The following CMIP variants were observed in gnomAD, a reference collection of about 807,000 sequenced individuals.
CMIP encodes the protein C-Maf-inducing protein.
A neutral mutation model predicts 97.3 loss-of-function variants in CMIP; 13 were observed. That is an observed-to-expected ratio of 0.13 (90% CI 0.09 to 0.21). CMIP has a LOEUF of 0.21. CMIP is among the 10% of genes least tolerant of loss of function. The pLI, the probability that CMIP is intolerant of heterozygous loss-of-function variation, is 1.00. For missense variants in CMIP, 847 were observed against 1,024.9 expected (o/e 0.83, Z 2.37); for synonymous variants, 538 against 436.3 (o/e 1.23, Z -2.91).
chr16:81,476,332 T>G, intron 1 of CMIP: 1 of 1,453,458 alleles, frequency 6.9e-7, no homozygotes. Context: ...GTCACCACCC[T>G]GATACATAAA....
chr16:81,608,622 C>G (rs571929012), intron 2 of CMIP, among the ~76,000 whole-genome samples: 5 of 152,104 alleles, frequency 3.3e-5, no homozygotes, highest in African/African-American at 1.2e-4. Context: ...GCCCAGGTCT[C>G]GGATTGGTAG....
chr16:81,610,018 G>A (rs911057535), intron 2 of CMIP, among the ~76,000 whole-genome samples: 1 of 152,198 alleles, frequency 6.6e-6, no homozygotes, highest in African/African-American at 2.4e-5. Context: ...TGACAGAGAG[G>A]CAGGAGGGAG....
At chr16:81,517,456 C>G (rs899791892) in intron 1 of CMIP, among the ~76,000 whole-genome samples, 2 of 152,190 alleles carry the variant, frequency 1.3e-5, no homozygotes, top group Non-Finnish European at 2.9e-5. Context: ...AAATGCATAA[C>G]ACAAAGGTAT....
chr16:81,573,998 C>T (rs1404702391), intron 1 of CMIP, among the ~76,000 whole-genome samples: 1 of 152,112 alleles, frequency 6.6e-6, no homozygotes, highest in Non-Finnish European at 1.5e-5. Flanking sequence ...CCCCTGGAGC[C>T]TTTACCTGGA....
rs867154163 is a variant in CMIP at position 81,544,512 on chromosome 16, G to A, written c.301-63055G>A. Among the ~76,000 whole-genome samples the A allele has an allele frequency of 2.6e-5, 4 of 151,052 alleles. No individual in the cohort carries two copies. In the Middle Eastern group the frequency reaches 0.01, roughly 385 times the overall value. On this transcript the variant is annotated intron_variant, in intron 1 of 20. Coordinates refer to ENST00000537098, the MANE Select transcript of CMIP (RefSeq NM_198390.3). ...CAAACAGCCTGCCGCTGACCTTCCCGGCCTCTGTGTGGCTCTCAGGCCACC... is the reference window on the plus strand; with the variant it reads ...CAAACAGCCTGCCGCTGACCTTCCCAGCCTCTGTGTGGCTCTCAGGCCACC...
At chr16:81,651,738 T>G (rs1045736876) in intron 3 of CMIP, among the ~76,000 whole-genome samples, 1 of 152,154 alleles carries the variant, frequency 6.6e-6, no homozygotes, top group Admixed American at 6.5e-5. Context: ...CCTTTTCTTT[T>G]TGAAGTCATT....
intron 10 of CMIP, among the ~76,000 whole-genome samples, chr16:81,679,485 CTG>C (rs1303244041): frequency 6.6e-6 from 1 of 152,026 alleles, no homozygotes; most frequent in African/African-American, 2.4e-5. Context: ...GTGTGAGTAT[CTG>C]TGCATATGCA....
chr16:81,691,881 G>A (rs756943088), intron 11 of CMIP, 41 bp downstream of exon 11: 1 of 1,549,616 alleles, frequency 6.5e-7, no homozygotes. Flanking sequence ...CCACCTGTGA[G>A]ACAAACCTCA....
At chr16:81,607,849 GTCT>G (rs1412877202) in intron 2 of CMIP, among the ~76,000 whole-genome samples, 157 bp downstream of exon 2, 1 of 152,218 alleles carries the variant, frequency 6.6e-6, no homozygotes, top group African/African-American at 2.4e-5. Flanking sequence ...TGTAAACCAG[GTCT>G]GACTGGAGAA....
rs918148645 is a variant in CMIP, at chr16:81,689,480, C to G, written c.1389-2295C>G. 1.1e-4 allele frequency among the ~76,000 whole-genome samples: 17 copies of G among 152,298 alleles called. No homozygotes were observed. In the Middle Eastern group the frequency reaches 0.01, roughly 91 times the overall value. ...TCTTTTGAGAAGTGTCTGTTCATAT[C>G]CTTCGCCCACTTTTTGATGGGGTTG... On this transcript the variant is annotated intron_variant, in intron 10 of 20. Transcript: ENST00000537098.
Position 81,606,534 on chromosome 16 carries a change from G to A in CMIP, c.301-1033G>A, listed in dbSNP as rs541337688. Among the ~76,000 whole-genome samples the A allele has an allele frequency of 2.0e-5, 3 of 152,242 alleles. No homozygotes were observed. In the East Asian group the frequency reaches 5.8e-4, roughly 29 times the overall value. ...AGACTCACTCAGAGAGTGGTGGGTG[G>A]CTGTGGATTTATCTTGCCCCGCCCC... On this transcript the variant is annotated intron_variant, in intron 1 of 20. Transcript: ENST00000537098.
rs553397037 is a variant in CMIP, at chr16:81,549,707, A to G, written c.301-57860A>G. The stretch of plus-strand genomic sequence containing the variant: ...CAGGCAGCAAGGACTGGCCTTTGCT[A>G]GACCTGGTAAGCTGGGCAGACCGAG... On this transcript the variant is annotated intron_variant, in intron 1 of 20. Transcript: ENST00000537098. Among the ~76,000 whole-genome samples, 4 of 152,318 alleles carry G rather than the reference A, an allele frequency of 2.6e-5. No homozygotes were observed. The East Asian group carries it at 7.7e-4, about 29-fold the overall frequency.
At chr16:81,626,443 T>A (rs2150967169) in intron 3 of CMIP, among the ~76,000 whole-genome samples, 1 of 125,530 alleles carries the variant, frequency 8.0e-6, no homozygotes, top group Admixed American at 8.2e-5. Context: ...GGGATGACTA[T>A]CTTATGAGTG....
intron 7 of CMIP, among the ~76,000 whole-genome samples, chr16:81,669,254 ACACT>A (rs1172976389): frequency 2.1e-5 from 2 of 97,054 alleles, no homozygotes; most frequent in African/African-American, 4.4e-5. Flanking sequence ...CCCACCTCTC[ACACT>A]CACCTCCTTC....
Position 81,614,932 on chromosome 16 carries a change from CTGTG to C in CMIP, c.427-5939_427-5936del, listed in dbSNP as rs889757607. On this transcript the variant is annotated intron_variant, in intron 2 of 20. Transcript: ENST00000537098. The surrounding 1 kb of genome is among the most constrained non-coding windows in gnomAD (Gnocchi z 5.3). ...TATGTGGTGTGCATAGTGTGTATCT[CTGTG>C]TGTGGTGTGTGCATGTGTGTGGTGT... Among the ~76,000 whole-genome samples, 5 of 145,734 alleles carry C rather than the reference CTGTG, an allele frequency of 3.4e-5. No individual in the cohort carries two copies. Among genetic ancestry groups the C allele is most frequent in the African/African-American group, 1.3e-4 (5 of 39,006 alleles).
At chr16:81,581,764 G>T (rs12443555) in intron 1 of CMIP, among the ~76,000 whole-genome samples, 5 of 152,244 alleles carry the variant, frequency 3.3e-5, no homozygotes, top group Admixed American at 2.6e-4. Flanking sequence ...ACTTCCTCAC[G>T]CAGACAGCTC....
At chr16:81,578,630 A>T (rs1448808609) in intron 1 of CMIP, among the ~76,000 whole-genome samples, 1 of 152,196 alleles carries the variant, frequency 6.6e-6, no homozygotes, top group Non-Finnish European at 1.5e-5. Flanking sequence ...TCTCCATGCC[A>T]TGGGCTGGTG....
intron 9 of CMIP, among the ~76,000 whole-genome samples, chr16:81,677,780 A>T (rs549608878): frequency 1.1e-4 from 16 of 152,324 alleles, no homozygotes; most frequent in African/African-American, 3.6e-4. Context: ...GAGCTTGCTC[A>T]CTTGGCTGGG....
chr16:81,506,690 G>A (rs1257977843), intron 1 of CMIP, among the ~76,000 whole-genome samples: 12 of 152,338 alleles, frequency 7.9e-5, no homozygotes, highest in Non-Finnish European at 1.2e-4. Flanking sequence ...CAAGGCGGGC[G>A]GATCACGAGG....
Sources: gnomAD v4.1 joint callset for allele counts (sites outside exome capture counted in the v4.1 genomes callset) on GRCh38, gnomAD v4.1.1 for gene constraint, Gnocchi (gnomAD v3.1) non-coding constraint, MANE v1.5 for transcripts, NCBI Gene and HGNC (gene_info 2026-07-23, HGNC 2026-07-21) for gene names.